Variants in GPC5 observed in about 807,000 individuals in gnomAD.
GPC5 encodes the protein glypican-5.
A neutral mutation model predicts 53.9 loss-of-function variants in GPC5; 47 were observed. That is an observed-to-expected ratio of 0.87 (90% CI 0.69 to 1.11). GPC5 has a LOEUF of 1.11. Among genes scored for constraint, GPC5 ranks in the 50% most tolerant of loss-of-function variants. GPC5 has a pLI of 0.00. For synonymous variants in GPC5, 286 were observed against 263.3 expected (o/e 1.09, Z -0.84); for missense variants, 748 against 713.1 (o/e 1.05, Z -0.56).
At chr13:91,494,677 T>C (rs1024305149) in intron 2 of GPC5, among the ~76,000 whole-genome samples, 2 of 152,196 alleles carry the variant, frequency 1.3e-5, no homozygotes, top group Non-Finnish European at 2.9e-5. Flanking sequence ...TTCATCTTAA[T>C]AGACTAGTCA....
At chr13:92,587,821 G>A (rs1465380364) in intron 7 of GPC5, among the ~76,000 whole-genome samples, 4 of 151,876 alleles carry the variant, frequency 2.6e-5, no homozygotes, top group Non-Finnish European at 4.4e-5. Context: ...CCAGAGTGGT[G>A]TTACATATTC....
intron 2 of GPC5, among the ~76,000 whole-genome samples, chr13:91,553,139 G>A (rs2030744629): frequency 1.4e-5 from 2 of 142,936 alleles, no homozygotes; most frequent in Admixed American, 7.2e-5. Context: ...AATGTATGAG[G>A]GGTATGTGGT....
intron 7 of GPC5, among the ~76,000 whole-genome samples, chr13:92,583,164 G>C (rs140693855): frequency 6.6e-6 from 1 of 152,012 alleles, no homozygotes; most frequent in Non-Finnish European, 1.5e-5. Context: ...CATTCATCCT[G>C]TTCCTAGTTT....
intron 2 of GPC5, among the ~76,000 whole-genome samples, chr13:91,607,676 G>A (rs1441033089): frequency 6.6e-6 from 1 of 152,170 alleles, no homozygotes; most frequent in East Asian, 1.9e-4. Flanking sequence ...ATTCCAAGAC[G>A]TTGTTCTTAG....
chr13:91,839,538 TA>T (rs2038760778), intron 5 of GPC5, among the ~76,000 whole-genome samples: 1 of 152,034 alleles, frequency 6.6e-6, no homozygotes, highest in African/African-American at 2.4e-5. Flanking sequence ...AAAAATGTAA[TA>T]TTTTATATGT....
At chr13:91,740,806 G>T (rs144381513) in intron 4 of GPC5, among the ~76,000 whole-genome samples, 9 of 152,276 alleles carry the variant, frequency 5.9e-5, no homozygotes, top group African/African-American at 1.9e-4. Context: ...TTTCCCTGTG[G>T]CAGTTCCTGC....
intron 7 of GPC5, among the ~76,000 whole-genome samples, chr13:92,413,970 T>C (rs1876166698): frequency 6.6e-6 from 1 of 152,210 alleles, no homozygotes; most frequent in Non-Finnish European, 1.5e-5. Context: ...GTCCCATTTT[T>C]CTAATTTTTT....
At chr13:92,806,717 T>G (rs1877114146) in intron 7 of GPC5, among the ~76,000 whole-genome samples, 1 of 152,058 alleles carries the variant, frequency 6.6e-6, no homozygotes, top group South Asian at 2.1e-4. Flanking sequence ...GAGCAGTCAG[T>G]GCACACACGA....
At chr13:92,195,562 T>C (rs1432549029) in intron 7 of GPC5, among the ~76,000 whole-genome samples, 2 of 152,146 alleles carry the variant, frequency 1.3e-5, no homozygotes, top group African/African-American at 4.8e-5. Context: ...TTCCCACTCA[T>C]ATGCTTCTAC....
At chr13:92,190,969 A>C (rs2139047585) in intron 7 of GPC5, among the ~76,000 whole-genome samples, 1 of 152,300 alleles carries the variant, frequency 6.6e-6, no homozygotes, top group African/African-American at 2.4e-5. Context: ...TGTTGTCTAT[A>C]AAATACCCAC....
chr13:92,492,880 C>T (rs539006155), intron 7 of GPC5, among the ~76,000 whole-genome samples: 2 of 152,178 alleles, frequency 1.3e-5, no homozygotes, highest in African/African-American at 4.8e-5. Flanking sequence ...CAAAATTCTC[C>T]TTGACTTCTT....
intron 1 of GPC5, among the ~76,000 whole-genome samples, chr13:91,436,835 G>C (rs894156521): frequency 6.6e-6 from 1 of 152,076 alleles, no homozygotes; most frequent in Admixed American, 6.5e-5. Context: ...TCTCTTTCTA[G>C]GTCTCTAAGT....
chr13:92,806,362 C>T (rs1228817534), intron 7 of GPC5, among the ~76,000 whole-genome samples: 2 of 152,112 alleles, frequency 1.3e-5, no homozygotes, highest in East Asian at 1.9e-4. Flanking sequence ...CCAGACTACC[C>T]GACGTTTTCT....
chr13:91,597,110 A>G (rs116466604), intron 2 of GPC5, among the ~76,000 whole-genome samples: 12,875 of 152,096 alleles, frequency 0.085, 572 homozygotes, highest in Non-Finnish European at 0.1. Flanking sequence ...TAAGACTCCA[A>G]TTGTTTTTTC....
intron 1 of GPC5, among the ~76,000 whole-genome samples, chr13:91,433,626 G>A (rs566608205): frequency 6.6e-6 from 1 of 152,220 alleles, no homozygotes; most frequent in South Asian, 2.1e-4. Context: ...TTGGTTCCAA[G>A]TCTTTGCTAT....
At chr13:91,657,420 T>C (rs1028115748) in intron 2 of GPC5, among the ~76,000 whole-genome samples, 1 of 152,132 alleles carries the variant, frequency 6.6e-6, no homozygotes, top group Non-Finnish European at 1.5e-5. Flanking sequence ...TTGCCTTCCA[T>C]GTGACCTTTG....
chr13:92,133,188 A>G (rs909783608), intron 6 of GPC5, among the ~76,000 whole-genome samples: 1 of 152,204 alleles, frequency 6.6e-6, no homozygotes, highest in Non-Finnish European at 1.5e-5. Context: ...ATTTAGCAAA[A>G]GAGGCTTTCA....
At chr13:92,843,902 G>A (rs1878514289) in intron 7 of GPC5, among the ~76,000 whole-genome samples, 1 of 151,756 alleles carries the variant, frequency 6.6e-6, no homozygotes, top group African/African-American at 2.4e-5. Flanking sequence ...CAGAATCTTA[G>A]GACAGAGGGA....
chr13:92,258,266 CA>C (rs1566507315), intron 7 of GPC5, among the ~76,000 whole-genome samples: 1 of 152,130 alleles, frequency 6.6e-6, no homozygotes, highest in Admixed American at 6.5e-5. Flanking sequence ...GCTATTTCTT[CA>C]GATAGTTAAA....
Sources: gnomAD v4.1 joint callset for allele counts (sites outside exome capture counted in the v4.1 genomes callset) on GRCh38, gnomAD v4.1.1 for gene constraint, MANE v1.5 for transcripts, NCBI Gene and HGNC (gene_info 2026-07-23, HGNC 2026-07-21) for gene names.